Variants in FAM13C observed in about 807,000 individuals in gnomAD.
FAM13C encodes family with sequence similarity 13 member C.
Under a neutral mutation model 73.2 loss-of-function variants are expected in FAM13C, and 37 were observed. That is an observed-to-expected ratio of 0.51 (90% CI 0.39 to 0.67). The LOEUF (loss-of-function observed/expected upper bound fraction) is 0.67. Ranked by LOEUF, FAM13C falls within the 30% of genes least tolerant of loss-of-function variation. The probability of loss-of-function intolerance (pLI) is 0.00; values close to 1 mark genes in which losing one functional copy is unlikely to be tolerated. For synonymous variants in FAM13C, 246 were observed against 260.9 expected (o/e 0.94, Z 0.55); for missense variants, 589 against 715.6 (o/e 0.82, Z 2.02).
intron 3 of FAM13C, 59 bp from the exon 4 acceptor site, chr10:59,324,165 T>A: frequency 6.0e-6 from 8 of 1,341,896 alleles, no homozygotes; most frequent in Non-Finnish European, 7.3e-6. Flanking sequence ...TCCATAGCAT[T>A]ATTATGCTGG....
intron 3 of FAM13C, among the ~76,000 whole-genome samples, chr10:59,335,767 G>C (rs979357753): frequency 1.3e-5 from 2 of 152,126 alleles, no homozygotes; most frequent in East Asian, 3.9e-4. Flanking sequence ...GCTCTGCAGG[G>C]GAAGGTAAGC....
chr10:59,265,871 G>A (rs1589388046), intron 8 of FAM13C, among the ~76,000 whole-genome samples: 1 of 152,134 alleles, frequency 6.6e-6, no homozygotes, highest in African/African-American at 2.4e-5. Context: ...ACAAGCTGTA[G>A]ATCTTCAAGA....
At chr10:59,327,945 G>T (rs1472653673) in intron 3 of FAM13C, among the ~76,000 whole-genome samples, 1 of 152,196 alleles carries the variant, frequency 6.6e-6, no homozygotes, top group Non-Finnish European at 1.5e-5. Flanking sequence ...GGGACTGAGG[G>T]AAGAAGCCAA....
chr10:59,287,033 C>CAA lies in FAM13C; in HGVS notation c.508-3588_508-3587dup, dbSNP rs1202727571. 1.5e-3 allele frequency among the ~76,000 whole-genome samples: 57 copies of CAA among 38,890 alleles called. 1 individual carries two copies. Among genetic ancestry groups the CAA allele is most frequent in the South Asian group, 4.0e-3 (4 of 1,000 alleles). The allele number at this position is 38,890 out of a possible 152,430, so 25.5% of individuals were successfully genotyped here. Reference sequence around the variant, plus strand: ...TGGGCAATAGAGCGAGACTCCATCTCAAAAAAAAAAAAAAAAAAAAAGGCC... The same window carrying CAA: ...TGGGCAATAGAGCGAGACTCCATCTCAAAAAAAAAAAAAAAAAAAAAAAGGCC... On this transcript the variant is annotated intron_variant, in intron 5 of 13. Coordinates refer to ENST00000618804, the MANE Select transcript of FAM13C (RefSeq NM_198215.4).
chr10:59,247,342 T>A lies in FAM13C; in HGVS notation c.*272A>T. 1 of 374,302 alleles carries A rather than the reference T, an allele frequency of 2.7e-6. No homozygotes were observed. The highest frequency in any genetic ancestry group is 4.8e-6 in the Non-Finnish European group (1 of 209,954). 23.2% of individuals were successfully genotyped at this position (374,302 alleles called of 1,614,324 possible). On this transcript the variant is annotated 3_prime_UTR_variant, in exon 14 of 14. Coordinates refer to ENST00000618804, the MANE Select transcript of FAM13C (RefSeq NM_198215.4). ...GATTTGATAAAATATTAGACATTTT[T>A]AAAAATACTTGTATTGACTATGAGT...
chr10:59,356,493 G>A (rs1453762895), intron 1 of FAM13C, among the ~76,000 whole-genome samples: 1 of 152,022 alleles, frequency 6.6e-6, no homozygotes, highest in Non-Finnish European at 1.5e-5. Context: ...CCTGCCTAGG[G>A]GAACCAGGAG....
chr10:59,305,628 AT>A (rs113360003), intron 4 of FAM13C, among the ~76,000 whole-genome samples: 24,003 of 150,934 alleles, frequency 0.16, 2,259 homozygotes, highest in East Asian at 0.27. Flanking sequence ...TAAGAATACA[AT>A]TTTTTTTTTA....
At chr10:59,353,159 TTC>T (rs1855291627) in intron 2 of FAM13C, among the ~76,000 whole-genome samples, 1 of 152,220 alleles carries the variant, frequency 6.6e-6, no homozygotes. Flanking sequence ...CGGTGTTATC[TTC>T]ATATATTCAG....
At chr10:59,248,308 T>A (rs1045684691) in intron 13 of FAM13C, among the ~76,000 whole-genome samples, 1 of 152,214 alleles carries the variant, frequency 6.6e-6, no homozygotes, top group East Asian at 1.9e-4. Flanking sequence ...TGTTCCTTGA[T>A]TGAAGTAATT....
At chr10:59,335,394 A>T (rs2134133805) in intron 3 of FAM13C, among the ~76,000 whole-genome samples, 1 of 152,318 alleles carries the variant, frequency 6.6e-6, no homozygotes, top group Non-Finnish European at 1.5e-5. Flanking sequence ...GGAAGTCTTT[A>T]ATTTGATACA....
intron 1 of FAM13C, chr10:59,361,093 T>C (rs1284216475): frequency 1.1e-5 from 14 of 1,289,014 alleles, no homozygotes; most frequent in Non-Finnish European, 1.0e-6. Context: ...GGCACACCTC[T>C]CTCCCCTTCT....
At chr10:59,314,140 G>T (rs946145173) in intron 4 of FAM13C, among the ~76,000 whole-genome samples, 4 of 152,132 alleles carry the variant, frequency 2.6e-5, no homozygotes, top group Non-Finnish European at 5.9e-5. Flanking sequence ...TCTGAGATGA[G>T]ATTAAAATTT....
At chr10:59,358,432 C>A (rs1373760157) in intron 1 of FAM13C, among the ~76,000 whole-genome samples, 1 of 152,154 alleles carries the variant, frequency 6.6e-6, no homozygotes, top group Non-Finnish European at 1.5e-5. Flanking sequence ...ACTTTCTTGC[C>A]AATAGTCCAC....
At chr10:59,289,364 A>T (rs765457910) in intron 5 of FAM13C, among the ~76,000 whole-genome samples, 1 of 152,116 alleles carries the variant, frequency 6.6e-6, no homozygotes, top group African/African-American at 2.4e-5. Context: ...TGCCACATAC[A>T]TGTCCTTCCA....
intron 4 of FAM13C, among the ~76,000 whole-genome samples, chr10:59,306,272 A>G (rs569064540): frequency 6.6e-6 from 1 of 152,320 alleles, no homozygotes; most frequent in East Asian, 1.9e-4. Context: ...TTAGTGAGAT[A>G]TAGAGAAGAG....
intron 1 of FAM13C, among the ~76,000 whole-genome samples, chr10:59,360,717 C>G (rs967101095): frequency 6.6e-6 from 1 of 152,056 alleles, no homozygotes; most frequent in Admixed American, 6.6e-5. Context: ...CCAATTATCT[C>G]TCAGTGCCTT....
intron 10 of FAM13C, among the ~76,000 whole-genome samples, chr10:59,260,110 A>T (rs979184229): frequency 2.5e-4 from 38 of 152,016 alleles, no homozygotes; most frequent in African/African-American, 8.9e-4. Context: ...TAATGCTTCA[A>T]CATGTCCTTT....
intron 5 of FAM13C, among the ~76,000 whole-genome samples, chr10:59,289,243 A>G (rs546330221): frequency 6.6e-6 from 1 of 152,124 alleles, no homozygotes; most frequent in Admixed American, 6.6e-5. Flanking sequence ...TCAGGCAGTA[A>G]AGCTCGCTGC....
chr10:59,270,642 C>T (rs1165311462), intron 6 of FAM13C, among the ~76,000 whole-genome samples: 1 of 152,106 alleles, frequency 6.6e-6, no homozygotes, highest in Non-Finnish European at 1.5e-5. Context: ...CTCTGCTTAT[C>T]TACAAGGAAT....
Sources: allele counts gnomAD v4.1 joint callset (sites outside exome capture counted in the v4.1 genomes callset), GRCh38; gene constraint gnomAD v4.1.1; transcripts MANE v1.5; gene names NCBI Gene and HGNC (gene_info 2026-07-23, HGNC 2026-07-21).